LCNL1: variants seen among roughly 807,000 people sequenced by gnomAD.
LCNL1 encodes lipocalin like 1, also known as lipocalin-like 1 protein.
LCNL1 carries 11 observed loss-of-function variants against 7.9 expected under a neutral mutation model. The observed-to-expected ratio is 1.40, with a 90% confidence interval of 0.88 to 2.32. The LOEUF (loss-of-function observed/expected upper bound fraction) is 2.32. LCNL1 is among the 30% of genes most tolerant of loss of function. LCNL1 has a pLI of 0.00. For missense variants in LCNL1, 218 were observed against 217.0 expected (o/e 1.00, Z -0.03); for synonymous variants, 90 against 92.5 (o/e 0.97, Z 0.15).
intron 1 of LCNL1, 165 bp from the exon 2 acceptor site, chr9:136,984,325 C>A: frequency 3.3e-6 from 2 of 605,614 alleles, no homozygotes; most frequent in East Asian, 3.2e-5. Context: ...CCACCCCACC[C>A]CCAGCAGGAG....
rs1339024427 is a variant in LCNL1, at chr9:136,983,542, C to T, written c.-45C>T. The T allele has an allele frequency of 6.2e-7, 1 of 1,604,182 alleles. No individual in the cohort carries two copies. Among genetic ancestry groups the T allele is most frequent in the Non-Finnish European group, 8.5e-7 (1 of 1,172,246 alleles). On this transcript the variant is annotated 5_prime_UTR_variant, in exon 1 of 3. Coordinates refer to ENST00000408973, the MANE Select transcript of LCNL1 (RefSeq NM_207510.4). ...AGGCCCAGGGCACAGGGGCGGCCTC[C>T]CAGCCTTCCCTGCACTTGCCCTGCA...
At position 136,983,673 on chromosome 9, in the gene LCNL1, G is replaced by T; in HGVS notation, c.87G>T (p.Gly29=). 6.2e-7 allele frequency: 1 copy of T among 1,614,020 alleles called. No individual in the cohort carries two copies. The highest frequency in any genetic ancestry group is 8.5e-7 in the Non-Finnish European group (1 of 1,179,954). The part of the protein sequence containing the change: ...KMAVVLVTPL[G]NGDLALKFGY... ...CTGTGGTCTTAGTGACCCCCTTGGGGAATGGTGACCTGGCCCTCAAGTTTG... is the reference window on the plus strand; with the variant it reads ...CTGTGGTCTTAGTGACCCCCTTGGGTAATGGTGACCTGGCCCTCAAGTTTG... Residue 29 remains glycine (G), a synonymous_variant, in exon 1 of 3, where the codon GGG becomes GGT. Coordinates refer to ENST00000408973, the MANE Select transcript of LCNL1 (RefSeq NM_207510.4).
chr9:136,984,906 G>A lies in LCNL1; in HGVS notation c.390G>A (p.Leu130=). ...MSPLCLHQPF[L]HAEGGTAGSW... The stretch of plus-strand genomic sequence containing the variant: ...CCCTGTGCCTGCACCAGCCCTTTCT[G>A]CACGCGGAAGGTGGAACCGCTGGCT... Residue 130 remains leucine, a synonymous_variant, in exon 3 of 3, where the codon CTG becomes CTA. Transcript: ENST00000408973. 1 of 1,556,050 alleles carries A rather than the reference G, an allele frequency of 6.4e-7. No individual in the cohort carries two copies. The highest frequency in any genetic ancestry group is 8.7e-7 in the Non-Finnish European group (1 of 1,150,070).
Position 136,985,712 on chromosome 9 carries a change from C to G in LCNL1, c.*701C>G, listed in dbSNP as rs986381218. ...GCGCCCAGCCCTGCCCAAAGAGCCC[C>G]CTCCCTCCACACCCTGGCCCCAAGC... On this transcript the variant is annotated 3_prime_UTR_variant, in exon 3 of 3. Transcript: ENST00000408973. 1.3e-5 allele frequency: 2 copies of G among 152,286 alleles called. No homozygotes were observed. Among genetic ancestry groups the G allele is most frequent in the African/African-American group, 4.8e-5 (2 of 41,464 alleles). The allele number at this position is 152,286 out of a possible 1,614,324, so 9.4% of individuals were successfully genotyped here.
At chr9:136,984,380 G>T in intron 1 of LCNL1, 110 bp from the exon 2 acceptor site, 2 of 995,834 alleles carry the variant, frequency 2.0e-6, no homozygotes, top group Non-Finnish European at 2.9e-6. Context: ...GTCCTCTAAG[G>T]ATTGTGAGGG....
chr9:136,984,702 C>T lies in LCNL1; in HGVS notation c.197-11C>T, dbSNP rs1465362540. ...CCCTGGGCCTGGGGTCAGCGGCTCT[C>T]GCTCCTCCAGCCATGGCCCTGAGTG... On this transcript the variant is annotated splice_polypyrimidine_tract_variant and intron_variant, in intron 2 of 2. Coordinates refer to ENST00000408973, the MANE Select transcript of LCNL1 (RefSeq NM_207510.4). The T allele has an allele frequency of 4.6e-6, 7 of 1,517,256 alleles. No homozygotes were observed. The highest frequency in any genetic ancestry group is 1.8e-4 in the Middle Eastern group (1 of 5,636). 94.0% of individuals were successfully genotyped at this position (1,517,256 alleles called of 1,614,324 possible). A position where few individuals can be genotyped will look rare whatever the true frequency, so the allele number is the denominator to read the frequency against.
rs1256082767 is a variant in LCNL1, at chr9:136,985,065, G to A, written c.*54G>A. 7.1e-7 allele frequency: 1 copy of A among 1,415,550 alleles called. No individual in the cohort carries two copies. 87.7% of individuals were successfully genotyped at this position (1,415,550 alleles called of 1,614,324 possible). On this transcript the variant is annotated 3_prime_UTR_variant, in exon 3 of 3. Coordinates refer to ENST00000408973, the MANE Select transcript of LCNL1 (RefSeq NM_207510.4). ...AGCGCCCGAGCTGTTTCCCGAAGGC[G>A]CCCAGAAGATGCAGCTACTGGCGCC...
In LCNL1 at chr9:136,984,572, G is replaced by C; in HGVS notation, c.196+9G>C. The C allele has an allele frequency of 6.4e-7, 1 of 1,562,108 alleles. No homozygotes were observed. ...GCAGTTCAGCAACCCAGGTGAGGTGGGGCAGCAGGCAGGGCTGTGGCGTGG... is the reference window on the plus strand; with the variant it reads ...GCAGTTCAGCAACCCAGGTGAGGTGCGGCAGCAGGCAGGGCTGTGGCGTGG... On this transcript the variant is annotated intron_variant, in intron 2 of 2. Coordinates refer to ENST00000408973, the MANE Select transcript of LCNL1 (RefSeq NM_207510.4).
chr9:136,984,906 G>C lies in LCNL1; in HGVS notation c.390G>C (p.Leu130=). The C allele has an allele frequency of 6.4e-7, 1 of 1,556,050 alleles. No homozygotes were observed. The highest frequency in any genetic ancestry group is 8.7e-7 in the Non-Finnish European group (1 of 1,150,070). Residue 130 remains leucine (L), a synonymous_variant, in exon 3 of 3, where the codon CTG becomes CTC. Coordinates refer to ENST00000408973, the MANE Select transcript of LCNL1 (RefSeq NM_207510.4). ...CCCTGTGCCTGCACCAGCCCTTTCT[G>C]CACGCGGAAGGTGGAACCGCTGGCT... The part of the protein sequence containing the change: ...MSPLCLHQPF[L]HAEGGTAGSW...
In LCNL1 at chr9:136,984,975, T is replaced by TGGCCCCTCCCTGCCCCTCTGGCCC; in HGVS notation, c.459_460insGGCCCCTCCCTGCCCCTCTGGCCC (p.Ser153_Leu154insGlyProSerLeuProLeuTrpPro). The TGGCCCCTCCCTGCCCCTCTGGCCC allele has an allele frequency of 6.5e-7, 1 of 1,543,082 alleles. No individual in the cohort carries two copies. The highest frequency in any genetic ancestry group is 1.4e-5 in the African/African-American group (1 of 72,056). On this transcript the variant is annotated inframe_insertion, in exon 3 of 3. Coordinates refer to ENST00000408973, the MANE Select transcript of LCNL1 (RefSeq NM_207510.4). The stretch of plus-strand genomic sequence containing the variant: ...GGGTCCCGGCCCCTCCCTGCCCCTC[T>TGGCCCCTCCCTGCCCCTCTGGCCC]CTCCCTCTCTTCGCCCCTCCAGCCC...
At position 136,984,805 on chromosome 9, in the gene LCNL1, C is replaced by T. The variant is rs1229381034; in HGVS notation, c.289C>T (p.Gln97Ter). 1.3e-6 allele frequency: 2 copies of T among 1,578,108 alleles called. No homozygotes were observed. Among genetic ancestry groups the T allele is most frequent in the Admixed American group, 1.8e-5 (1 of 54,244 alleles). Residue 97 changes from glutamine (Q) to a stop codon, truncating the protein, a stop_gained, in exon 3 of 3, where the codon CAG becomes TAG. Coordinates refer to ENST00000408973, the MANE Select transcript of LCNL1 (RefSeq NM_207510.4). LOFTEE classifies it low-confidence loss of function (END_TRUNC). ...GATGCGGAAAGGGGGCCTGCGGAAC[C>T]AGTGGCTGCAGCTCTACGGTGGGCG... The part of the protein sequence containing the change: ...LEMRKGGLRN[Q>*]WLQLYGGRAA...
At position 136,984,493 on chromosome 9, in the gene LCNL1, C is replaced by T. The variant is rs1400728209; in HGVS notation, c.126C>T (p.Pro42=). ...DLALKFGYPT[P]HGGCQKMDTT... ...GATTGGGGCTCTTTCTCCCCAGGCCCCATGGCGGGTGCCAGAAAATGGACA... is the reference window on the plus strand; with the variant it reads ...GATTGGGGCTCTTTCTCCCCAGGCCTCATGGCGGGTGCCAGAAAATGGACA... The change falls in exon 2 of 3, where the codon CCC becomes CCT. Residue 42 remains proline, a synonymous_variant. Transcript: ENST00000408973. 2 of 1,565,038 alleles carry T rather than the reference C, an allele frequency of 1.3e-6. No homozygotes were observed. Among genetic ancestry groups the T allele is most frequent in the Non-Finnish European group, 1.7e-6 (2 of 1,154,564 alleles).
rs1018418477 is a variant in LCNL1, at chr9:136,984,949, C to A, written c.433C>A (p.Arg145=). Residue 145 remains arginine, a synonymous_variant, in exon 3 of 3, where the codon CGG becomes AGG. Coordinates refer to ENST00000408973, the MANE Select transcript of LCNL1 (RefSeq NM_207510.4). The stretch of plus-strand genomic sequence containing the variant: ...CGCTGGCTCCTGGTGTCTGTGGCCG[C>A]GGGTCCCGGCCCCTCCCTGCCCCTC... The part of the protein sequence containing the change: ...GTAGSWCLWP[R]VPAPPCPSLP... 16 of 1,545,370 alleles carry A rather than the reference C, an allele frequency of 1.0e-5. No individual in the cohort carries two copies. Among genetic ancestry groups the A allele is most frequent in the African/African-American group, 3.0e-5 (2 of 67,634 alleles).
Position 136,985,297 on chromosome 9 carries a change from G to T in LCNL1, c.*286G>T. The T allele has an allele frequency of 2.4e-6, 1 of 416,478 alleles. No individual in the cohort carries two copies. Among genetic ancestry groups the T allele is most frequent in the Non-Finnish European group, 4.3e-6 (1 of 234,016 alleles). 25.8% of individuals were successfully genotyped at this position (416,478 alleles called of 1,614,324 possible). ...TCGGGGGAGGGCGAGACGTTGCCCA[G>T]GCCGGTGTTCCCAGGAGGAGATCGC... On this transcript the variant is annotated 3_prime_UTR_variant, in exon 3 of 3. Transcript: ENST00000408973.
intron 2 of LCNL1, 33 bp from the exon 3 acceptor site, chr9:136,984,680 T>C (rs777225754): frequency 6.6e-7 from 1 of 1,514,616 alleles, no homozygotes; most frequent in Admixed American, 2.1e-5. Flanking sequence ...GGAGGTGCCC[T>C]GGGCCTGGGG....
Position 136,983,602 on chromosome 9 carries a change from T to A in LCNL1, c.16T>A (p.Ser6Thr). The change falls in exon 1 of 3, where the codon TCA (serine) becomes ACA (threonine). Residue 6 changes from serine (S) to threonine (T), a missense_variant. Transcript: ENST00000408973. ...CACCTGGTACATGGTCGGGGTGGTGTCAGATGACCAGGACTTCCTGGACTC... is the reference window on the plus strand; with the variant it reads ...CACCTGGTACATGGTCGGGGTGGTGACAGATGACCAGGACTTCCTGGACTC... Reference protein sequence around the residue: MVGVVSDDQDFLDSKD... With the variant: MVGVVTDDQDFLDSKD... 6.2e-7 allele frequency: 1 copy of A among 1,613,732 alleles called. No individual in the cohort carries two copies. The highest frequency in any genetic ancestry group is 8.5e-7 in the Non-Finnish European group (1 of 1,179,782).
rs1166895589 is a variant in LCNL1, at chr9:136,984,787, A to C, written c.271A>C (p.Lys91Gln). 1.3e-6 allele frequency: 2 copies of C among 1,575,346 alleles called. No individual in the cohort carries two copies. Among genetic ancestry groups the C allele is most frequent in the Non-Finnish European group, 8.6e-7 (1 of 1,157,768 alleles). ...TGCCTTGCTGTACTTGGAGATGCGG[A>C]AAGGGGGCCTGCGGAACCAGTGGCT... ...HFALLYLEMR[K>Q]GGLRNQWLQL... Residue 91 changes from lysine (K) to glutamine (Q), a missense_variant, in exon 3 of 3, where the codon AAA becomes CAA. Physicochemically the swap from Lys to Gln is moderately conservative, Grantham distance 53. Transcript: ENST00000408973.
In LCNL1 at chr9:136,984,900, C is replaced by A. The variant is rs763421242; in HGVS notation, c.384C>A (p.Pro128=). Residue 128 remains proline, a synonymous_variant, in exon 3 of 3, where the codon CCC becomes CCA. Coordinates refer to ENST00000408973, the MANE Select transcript of LCNL1 (RefSeq NM_207510.4). ...TGTCACCCCTGTGCCTGCACCAGCC[C>A]TTTCTGCACGCGGAAGGTGGAACCG... ...SGMSPLCLHQ[P]FLHAEGGTAG... 1.3e-5 allele frequency: 21 copies of A among 1,557,068 alleles called. No homozygotes were observed. In the South Asian group the frequency reaches 2.4e-4, roughly 18 times the overall value.
chr9:136,984,508 G>C lies in LCNL1; in HGVS notation c.141G>C (p.Gln47His). The C allele has an allele frequency of 4.5e-6, 7 of 1,568,558 alleles. No individual in the cohort carries two copies. Among genetic ancestry groups the C allele is most frequent in the Non-Finnish European group, 6.1e-6 (7 of 1,156,458 alleles). The change falls in exon 2 of 3, where the codon CAG becomes CAC. Residue 47 changes from glutamine to histidine, a missense_variant. Transcript: ENST00000408973. ...TCCCCAGGCCCCATGGCGGGTGCCA[G>C]AAAATGGACACGACCTTCACCGAGG... Reference protein sequence around the residue: ...FGYPTPHGGCQKMDTTFTEGA... With the variant: ...FGYPTPHGGCHKMDTTFTEGA...
Sources: allele counts gnomAD v4.1 joint callset, GRCh38; gene constraint gnomAD v4.1.1; transcripts MANE v1.5; gene names NCBI Gene and HGNC (gene_info 2026-07-23, HGNC 2026-07-21).